The following COPRS variants were observed in gnomAD, a reference collection of about 807,000 sequenced individuals.
COPRS encodes the protein coordinator of PRMT5 and differentiation stimulator.
Under a neutral mutation model 19.9 loss-of-function variants are expected in COPRS, and 11 were observed. The ratio of observed to expected loss-of-function variants is 0.55; its 90% CI spans 0.35 to 0.92. COPRS has a LOEUF of 0.92. Among genes scored for constraint, COPRS ranks in the 40% least tolerant of loss-of-function variants. COPRS has a pLI of 0.01. For missense variants in COPRS, 225 were observed against 229.9 expected, an observed-to-expected ratio of 0.98 and a Z score of 0.14; for synonymous variants, 81 against 82.7, an observed-to-expected ratio of 0.98 and a Z score of 0.11.
intron 1 of COPRS, 64 bp downstream of exon 1, chr17:31,859,037 G>A (rs1052580439): frequency 5.2e-5 from 61 of 1,171,680 alleles, no homozygotes; most frequent in African/African-American, 4.6e-4. Flanking sequence ...GCCCAGCCCG[G>A]CCCCGCGACT....
chr17:31,854,532 TACAATCACCAAAAGGTAGAC>T (rs1909269014), intron 2 of COPRS, among the ~76,000 whole-genome samples: 1 of 152,130 alleles, frequency 6.6e-6, no homozygotes, highest in Non-Finnish European at 1.5e-5. Context: ...CAGCACTATT[TACAATCACCAAAAGGTAGAC>T]ACAACATCAA....
Position 31,852,003 on chromosome 17 carries a change from T to C in COPRS, c.*136A>G. On this transcript the variant is annotated 3_prime_UTR_variant, in exon 4 of 4. Transcript: ENST00000302362. ...ACGGGGCCTTATTGAACACTGTCAATAAGGAACACTGGTCTGTGTACCCCA... is the reference window on the plus strand; with the variant it reads ...ACGGGGCCTTATTGAACACTGTCAACAAGGAACACTGGTCTGTGTACCCCA... 1 of 940,776 alleles carries C rather than the reference T, an allele frequency of 1.1e-6. No individual in the cohort carries two copies. Among genetic ancestry groups the C allele is most frequent in the Non-Finnish European group, 1.6e-6 (1 of 622,946 alleles). The allele number at this position is 940,776 out of a possible 1,614,324, so 58.3% of individuals were successfully genotyped here.
Position 31,853,077 on chromosome 17 carries a change from C to A in COPRS, c.167-47G>T, listed in dbSNP as rs752069350. 3.6e-6 allele frequency: 5 copies of A among 1,408,222 alleles called. No homozygotes were observed. The Admixed American group carries it at 8.4e-5, about 24-fold the overall frequency. 87.2% of individuals were successfully genotyped at this position (1,408,222 alleles called of 1,614,324 possible). A position where few individuals can be genotyped will look rare whatever the true frequency, so the allele number is the denominator to read the frequency against. The stretch of plus-strand genomic sequence containing the variant: ...GGCCTTAGTGACAAACCAAAGAGGA[C>A]CTGCTCTGTGCTCAGTAAATTTTGG... On this transcript the variant is annotated intron_variant, in intron 2 of 3. Coordinates refer to ENST00000302362, the MANE Select transcript of COPRS (RefSeq NM_018405.4).
At chr17:31,855,994 C>CAAA (rs71142093) in intron 2 of COPRS, among the ~76,000 whole-genome samples, 10 of 132,964 alleles carry the variant, frequency 7.5e-5, no homozygotes, top group Admixed American at 2.3e-4. Context: ...AACTCCCTCT[C>CAAA]AAAAAAAAAA....
At position 31,852,415 on chromosome 17, in the gene COPRS, TTTTG is replaced by T. The variant is rs1228245824; in HGVS notation, c.386-111_386-108del. 15 of 825,366 alleles carry T rather than the reference TTTTG, an allele frequency of 1.8e-5. No homozygotes were observed. The Admixed American group carries it at 2.2e-4, about 12-fold the overall frequency. 51.1% of individuals were successfully genotyped at this position (825,366 alleles called of 1,614,324 possible). On this transcript the variant is annotated intron_variant, in intron 3 of 3. Transcript: ENST00000302362. The stretch of plus-strand genomic sequence containing the variant: ...TCTAGGGGACAGATCCTTGCACTTA[TTTTG>T]TTTAAAAACACACACAGTTCTCCTT...
intron 1 of COPRS, chr17:31,858,784 C>T (rs1262438918): frequency 8.4e-6 from 13 of 1,550,512 alleles, no homozygotes; most frequent in South Asian, 1.2e-5. Context: ...CTCCTGGCAG[C>T]GGGCCCCGGC....
chr17:31,851,889 A>G lies in COPRS; in HGVS notation c.*250T>C. 2.3e-6 allele frequency: 1 copy of G among 428,166 alleles called. No individual in the cohort carries two copies. Among genetic ancestry groups the G allele is most frequent in the Non-Finnish European group, 4.2e-6 (1 of 237,764 alleles). The allele number at this position is 428,166 out of a possible 1,614,324, so 26.5% of individuals were successfully genotyped here. A position where few individuals can be genotyped will look rare whatever the true frequency, so the allele number is the denominator to read the frequency against. On this transcript the variant is annotated 3_prime_UTR_variant, in exon 4 of 4. Coordinates refer to ENST00000302362, the MANE Select transcript of COPRS (RefSeq NM_018405.4). ...ATACTGGTTTCTCTTTTTAACCTTT[A>G]TTTACAAAGAACACAACTCCTCTTG...
chr17:31,852,753 G>T, intron 3 of COPRS, 59 bp downstream of exon 3: 1 of 1,231,256 alleles, frequency 8.1e-7, no homozygotes, highest in Non-Finnish European at 1.2e-6. Context: ...CTTCAGGGCT[G>T]GTCTGACAGG....
chr17:31,853,354 C>A (rs1395719672), intron 2 of COPRS, among the ~76,000 whole-genome samples: 2 of 151,432 alleles, frequency 1.3e-5, no homozygotes, highest in Non-Finnish European at 2.9e-5. Flanking sequence ...TACACTTTCA[C>A]AATACAAGCC....
chr17:31,859,109 TGGGGGGCGCCCCCCGCGCGCTAGGCAGC>T lies in COPRS; in HGVS notation c.63_90del (p.Leu22AlafsTer25), dbSNP rs1909456574. 4 of 1,092,894 alleles carry T rather than the reference TGGGGGGCGCCCCCCGCGCGCTAGGCAGC, an allele frequency of 3.7e-6. No individual in the cohort carries two copies. Among genetic ancestry groups the T allele is most frequent in the Admixed American group, 5.1e-5 (1 of 19,520 alleles). The allele number at this position is 1,092,894 out of a possible 1,614,324, so 67.7% of individuals were successfully genotyped here. ...CCCCACGCGGCGCTCACCTCCGGGCTGGGGGGCGCCCCCCGCGCGCTAGGCAGCGGCGGGCCCCGAGACGGCTCCGCGG... is the reference window on the plus strand; with the variant it reads ...CCCCACGCGGCGCTCACCTCCGGGCTGGCGGGCCCCGAGACGGCTCCGCGG... On this transcript the variant is annotated frameshift_variant, in exon 1 of 4. Transcript: ENST00000302362. LOFTEE classifies it high-confidence loss of function.
chr17:31,858,658 G>A (rs1370889051), intron 1 of COPRS: 7 of 1,246,070 alleles, frequency 5.6e-6, no homozygotes, highest in East Asian at 2.5e-5. Flanking sequence ...AAGGGGGAGC[G>A]CGCATGTGAC....
intron 2 of COPRS, among the ~76,000 whole-genome samples, chr17:31,856,180 C>T (rs1909344438): frequency 6.6e-6 from 1 of 151,742 alleles, no homozygotes; most frequent in East Asian, 1.9e-4. Flanking sequence ...ACTAAAAATA[C>T]AAAAGTTAGC....
intron 2 of COPRS, chr17:31,856,568 T>G: frequency 1.7e-6 from 1 of 574,198 alleles, no homozygotes; most frequent in Non-Finnish European, 3.1e-6. Flanking sequence ...TTTTCACCGT[T>G]TCAAGCTGTT....
At chr17:31,854,710 A>T (rs1236381083) in intron 2 of COPRS, among the ~76,000 whole-genome samples, 1 of 152,244 alleles carries the variant, frequency 6.6e-6, no homozygotes. Context: ...CAGACACAAA[A>T]GGCCACATAT....
intron 2 of COPRS, among the ~76,000 whole-genome samples, chr17:31,856,013 C>A (rs1204089058): frequency 1.4e-5 from 2 of 141,992 alleles, no homozygotes; most frequent in East Asian, 4.2e-4. Context: ...AAAAAAACGG[C>A]AGGGGGCTGG....
In COPRS at chr17:31,852,872, C is replaced by T; in HGVS notation, c.325G>A (p.Gly109Ser). 1.2e-6 allele frequency: 2 copies of T among 1,614,216 alleles called. No individual in the cohort carries two copies. Among genetic ancestry groups the T allele is most frequent in the Non-Finnish European group, 1.7e-6 (2 of 1,180,032 alleles). Reference sequence around the variant, plus strand: ...TCCCAGTCCTCATTAAAAAGATCGCCAGGCTGTTCCTTGGGTGGACAGTTT... The same window carrying T: ...TCCCAGTCCTCATTAAAAAGATCGCTAGGCTGTTCCTTGGGTGGACAGTTT... ...GTNCPPKEQP[G>S]DLFNEDWDSE... The change falls in exon 3 of 4, where the codon GGC (glycine) becomes AGC (serine). Residue 109 changes from glycine (G) to serine (S), a missense_variant. Gly to Ser is a moderately conservative substitution (Grantham distance 56). This residue lies in a region of COPRS where 170 missense variants were observed against 171.4 expected (regional missense o/e 0.99). Transcript: ENST00000302362.
intron 2 of COPRS, among the ~76,000 whole-genome samples, chr17:31,856,198 G>T (rs1239993721): frequency 6.6e-6 from 1 of 151,740 alleles, no homozygotes; most frequent in Admixed American, 6.6e-5. Context: ...AGCTGGGTGT[G>T]GTGGCGCGTG....
intron 2 of COPRS, among the ~76,000 whole-genome samples, chr17:31,855,397 C>G (rs1308410682): frequency 2.0e-5 from 3 of 152,128 alleles, no homozygotes; most frequent in African/African-American, 7.2e-5. Flanking sequence ...GTCCCAGCTA[C>G]TCGGGAGGCT....
At chr17:31,855,141 C>A (rs1367285136) in intron 2 of COPRS, among the ~76,000 whole-genome samples, 1 of 151,762 alleles carries the variant, frequency 6.6e-6, no homozygotes, top group East Asian at 1.9e-4. Flanking sequence ...TTTGGGAGGC[C>A]GAGGTGGGCG....
Sources: allele counts gnomAD v4.1 joint callset (sites outside exome capture counted in the v4.1 genomes callset), GRCh38; gene constraint gnomAD v4.1.1; regional missense constraint gnomAD v4.1.1; transcripts MANE v1.5; gene names NCBI Gene and HGNC (gene_info 2026-07-23, HGNC 2026-07-21).